Variants in TBCK observed in about 807,000 individuals in gnomAD.
TBCK encodes the protein TBC1 domain containing kinase.
In TBCK, 99 loss-of-function variants were observed where a neutral mutation model predicts 113.4. The observed-to-expected ratio is 0.87, with a 90% CI of 0.74 to 1.03. TBCK has a LOEUF of 1.03. Ranked by LOEUF, TBCK falls within the 50% of genes least tolerant of loss-of-function variation. The pLI is 0.00. For synonymous variants in TBCK, 369 were observed against 370.8 expected, an observed-to-expected ratio of 1.00 and a Z score of 0.05; for missense variants, 1,045 against 1,061.3, an observed-to-expected ratio of 0.98 and a Z score of 0.21.
chr4:106,309,706 A>T (rs1767978363), intron 1 of TBCK, among the ~76,000 whole-genome samples: 1 of 152,174 alleles, frequency 6.6e-6, no homozygotes, highest in Non-Finnish European at 1.5e-5. Flanking sequence ...TATAGGTACC[A>T]ACTAGTAACG....
chr4:106,066,494 C>A (rs1401405596), intron 25 of TBCK, among the ~76,000 whole-genome samples: 1 of 151,960 alleles, frequency 6.6e-6, no homozygotes, highest in Non-Finnish European at 1.5e-5. Context: ...ACATTAAATT[C>A]TATACCTTAT....
intron 22 of TBCK, among the ~76,000 whole-genome samples, chr4:106,181,465 T>C (rs547766061): frequency 7.9e-5 from 12 of 152,316 alleles, no homozygotes; most frequent in African/African-American, 2.9e-4. Context: ...CTGAATGGTA[T>C]TGCCCAGGTT....
chr4:106,296,384 G>A (rs1463762060), intron 2 of TBCK, among the ~76,000 whole-genome samples: 1 of 152,062 alleles, frequency 6.6e-6, no homozygotes, highest in Admixed American at 6.6e-5. Flanking sequence ...CAAAGAAACT[G>A]CGAATAATGA....
chr4:106,058,452 G>A (rs1037871251), intron 25 of TBCK, among the ~76,000 whole-genome samples: 4 of 151,766 alleles, frequency 2.6e-5, no homozygotes, highest in Non-Finnish European at 5.9e-5. Flanking sequence ...GAGGATTTAA[G>A]AGTGATACTT....
At position 106,087,025 on chromosome 4, in the gene TBCK, T is replaced by C. The variant is rs182200204; in HGVS notation, c.2571+8457A>G. ...GCATTCCCTTTAAAAACTGGTACAA[T>C]ACAAGGATGCCCTCTCTCACCACTC... On this transcript the variant is annotated intron_variant, in intron 25 of 25. Transcript: ENST00000394708. Among the ~76,000 whole-genome samples the C allele has an allele frequency of 2.7e-3, 404 of 152,162 alleles. 10 individuals carry two copies. The highest frequency in any genetic ancestry group is 5.4e-4 in the Non-Finnish European group (37 of 67,992).
chr4:106,117,336 G>T (rs1326316635), intron 23 of TBCK, among the ~76,000 whole-genome samples: 1 of 152,106 alleles, frequency 6.6e-6, no homozygotes, highest in Non-Finnish European at 1.5e-5. Flanking sequence ...TAAAGAAACT[G>T]GTTCTAATAT....
intron 3 of TBCK, among the ~76,000 whole-genome samples, chr4:106,276,936 T>C (rs1764091111): frequency 1.3e-5 from 2 of 151,360 alleles, no homozygotes; most frequent in South Asian, 2.1e-4. Flanking sequence ...AGGCAGAAAA[T>C]ATTTGCAAAA....
At chr4:106,316,361 G>C (rs574021089), upstream of TBCK, 8 of 609,626 alleles carry the variant, frequency 1.3e-5, no homozygotes, top group African/African-American at 7.3e-5. Flanking sequence ...GGGGACGGGG[G>C]GGGTCGATTG....
intron 20 of TBCK, among the ~76,000 whole-genome samples, chr4:106,205,897 T>C (rs1164144185): frequency 1.3e-5 from 2 of 152,040 alleles, no homozygotes; most frequent in East Asian, 3.8e-4. Flanking sequence ...AAAAAGATTA[T>C]AAAAATGTAA....
chr4:106,194,592 T>C, intron 21 of TBCK, 126 bp downstream of exon 21: 3 of 672,410 alleles, frequency 4.5e-6, no homozygotes, highest in South Asian at 2.0e-5. Context: ...AACTCTATTA[T>C]GTTAGAAACA....
Position 106,291,876 on chromosome 4 carries a change from A to C in TBCK, c.266+3218T>G, listed in dbSNP as rs545694204. On this transcript the variant is annotated intron_variant, in intron 3 of 25. Coordinates refer to ENST00000394708, the MANE Select transcript of TBCK (RefSeq NM_001163435.3). Reference sequence around the variant, plus strand: ...ATATTGAGGCACAATTGCTAGAATCAATGAGTCACCATGGTACACAATTCA... The same window carrying C: ...ATATTGAGGCACAATTGCTAGAATCCATGAGTCACCATGGTACACAATTCA... Among the ~76,000 whole-genome samples, 4 of 152,352 alleles carry C rather than the reference A, an allele frequency of 2.6e-5. No homozygotes were observed. In the East Asian group the frequency reaches 7.7e-4, roughly 29 times the overall value.
chr4:106,043,524 C>T lies in TBCK; in HGVS notation c.*3046G>A, dbSNP rs1227986140. 6.6e-6 allele frequency: 1 copy of T among 152,060 alleles called. No individual in the cohort carries two copies. The highest frequency in any genetic ancestry group is 2.4e-5 in the African/African-American group (1 of 41,374). The allele number at this position is 152,060 out of a possible 1,614,324, so 9.4% of individuals were successfully genotyped here. ...GTAGCAAGAGGTATAAATTATAGCT[C>T]CTGATCTTAAGCAGCTCATATTTTA... On this transcript the variant is annotated 3_prime_UTR_variant, in exon 26 of 26. Coordinates refer to ENST00000394708, the MANE Select transcript of TBCK (RefSeq NM_001163435.3).
intron 19 of TBCK, among the ~76,000 whole-genome samples, chr4:106,220,141 T>C (rs867629646): frequency 6.6e-6 from 1 of 152,220 alleles, no homozygotes; most frequent in East Asian, 1.9e-4. Flanking sequence ...CCCACCCAAA[T>C]CTCAACTTGA....
chr4:106,140,287 A>G (rs1260762485), intron 23 of TBCK, among the ~76,000 whole-genome samples: 1 of 141,086 alleles, frequency 7.1e-6, no homozygotes, highest in East Asian at 2.0e-4. Context: ...ATTTTATTTA[A>G]AAAAAGTTTA....
rs193067198 is a variant in TBCK at position 106,134,615 on chromosome 4, A to G, written c.2236-18237T>C. Among the ~76,000 whole-genome samples the G allele has an allele frequency of 9.8e-5, 15 of 152,316 alleles. No individual in the cohort carries two copies. In the East Asian group the frequency reaches 2.9e-3, roughly 29 times the overall value. On this transcript the variant is annotated intron_variant, in intron 23 of 25. Coordinates refer to ENST00000394708, the MANE Select transcript of TBCK (RefSeq NM_001163435.3). ...TACGATGTACTTCCATTCCTAAACT[A>G]TAGGTTAGAGTAGTGGGCATTTTTA...
intron 10 of TBCK, among the ~76,000 whole-genome samples, chr4:106,246,937 G>A (rs952805017): frequency 2.6e-5 from 4 of 151,948 alleles, no homozygotes; most frequent in Admixed American, 2.0e-4. Context: ...CTCCCTCTTT[G>A]ACCTCCCAAA....
At chr4:106,128,860 T>G (rs1008722396) in intron 23 of TBCK, among the ~76,000 whole-genome samples, 1 of 152,068 alleles carries the variant, frequency 6.6e-6, no homozygotes, top group African/African-American at 2.4e-5. Flanking sequence ...ATATTAAAAA[T>G]GTACAAAGTT....
chr4:106,137,985 G>A (rs1746763162), intron 23 of TBCK, among the ~76,000 whole-genome samples: 1 of 141,328 alleles, frequency 7.1e-6, no homozygotes, highest in African/African-American at 2.5e-5. Context: ...ACAGTCATGT[G>A]TTGCTTAACA....
intron 23 of TBCK, among the ~76,000 whole-genome samples, chr4:106,161,373 G>C (rs897258568): frequency 2.0e-5 from 3 of 152,072 alleles, no homozygotes; most frequent in African/African-American, 7.2e-5. Flanking sequence ...CAAAGGCTCA[G>C]GGCCTATCTT....
Sources: allele counts gnomAD v4.1 joint callset (sites outside exome capture counted in the v4.1 genomes callset), GRCh38; gene constraint gnomAD v4.1.1; transcripts MANE v1.5; gene names NCBI Gene and HGNC (gene_info 2026-07-23, HGNC 2026-07-21).